RARB: variants seen among roughly 807,000 people sequenced by gnomAD.
RARB encodes retinoic acid receptor beta.
In RARB, 17 loss-of-function variants were observed where a neutral mutation model predicts 51.9. The ratio of observed to expected loss-of-function variants is 0.33; its 90% CI spans 0.22 to 0.49. The LOEUF is 0.49. Among genes scored for constraint, RARB ranks in the 20% least tolerant of loss-of-function variants. The pLI, the probability that RARB is intolerant of heterozygous loss-of-function variation, is 0.99. For synonymous variants in RARB, 215 were observed against 195.4 expected, an observed-to-expected ratio of 1.10 and a Z score of -0.84; for missense variants, 369 against 550.8, an observed-to-expected ratio of 0.67 and a Z score of 3.30.
rs1323690700 is a variant in RARB at position 25,570,070 on chromosome 3, G to A, written c.609+152G>A. On this transcript the variant is annotated intron_variant, in intron 4 of 7. Transcript: ENST00000330688. Reference sequence around the variant, plus strand: ...TTGCATGCTAGCCAGCTGGGGCTATGTAGTAGCCACTTCTTTCTGTGAGGT... The same window carrying A: ...TTGCATGCTAGCCAGCTGGGGCTATATAGTAGCCACTTCTTTCTGTGAGGT... The A allele has an allele frequency of 5.7e-5, 65 of 1,138,868 alleles. No individual in the cohort carries two copies. In the East Asian group the frequency reaches 1.6e-3, roughly 28 times the overall value. The allele number at this position is 1,138,868 out of a possible 1,614,324, so 70.5% of individuals were successfully genotyped here. A position where few individuals can be genotyped will look rare whatever the true frequency, so the allele number is the denominator to read the frequency against.
chr3:25,431,606 C>G (rs1453786333), intron 1 of RARB, among the ~76,000 whole-genome samples: 1 of 152,072 alleles, frequency 6.6e-6, no homozygotes, highest in African/African-American at 2.4e-5. Context: ...ACATTAATTG[C>G]TCAGTGGGTA....
intron 5 of RARB, among the ~76,000 whole-genome samples, chr3:25,415,722 A>G (rs925220143): frequency 6.6e-6 from 1 of 152,242 alleles, no homozygotes; most frequent in Non-Finnish European, 1.5e-5. Context: ...ACAGTAGATC[A>G]TAGTCTCTTC....
At chr3:24,849,544 G>C (rs1702529214) in intron 1 of RARB, among the ~76,000 whole-genome samples, 1 of 152,200 alleles carries the variant, frequency 6.6e-6, no homozygotes, top group Non-Finnish European at 1.5e-5. Flanking sequence ...CTTGTTTTAT[G>C]TGTGTTTCTG....
chr3:25,016,051 G>C (rs1000357537), intron 2 of RARB, among the ~76,000 whole-genome samples: 5 of 152,114 alleles, frequency 3.3e-5, no homozygotes, highest in African/African-American at 1.2e-4. Flanking sequence ...TGGAACAATG[G>C]GTACATGCTA....
intron 2 of RARB, among the ~76,000 whole-genome samples, chr3:24,908,939 G>A (rs933015857): frequency 4.6e-5 from 7 of 151,994 alleles, no homozygotes; most frequent in Admixed American, 2.6e-4. Context: ...ATGGCTAACG[G>A]AATCCTATTT....
intron 2 of RARB, among the ~76,000 whole-genome samples, chr3:24,920,586 A>G (rs1384832420): frequency 6.6e-6 from 1 of 152,170 alleles, no homozygotes; most frequent in Non-Finnish European, 1.5e-5. Context: ...AGAGTGTGGC[A>G]TGGCCTTGTC....
chr3:25,027,635 T>G (rs1174936677), intron 2 of RARB, among the ~76,000 whole-genome samples: 1 of 152,032 alleles, frequency 6.6e-6, no homozygotes, highest in Non-Finnish European at 1.5e-5. Context: ...ACCACAATTC[T>G]GTTGACACTA....
intron 2 of RARB, among the ~76,000 whole-genome samples, chr3:25,057,792 T>A (rs770054115): frequency 3.9e-5 from 6 of 152,056 alleles, no homozygotes; most frequent in Non-Finnish European, 8.8e-5. Context: ...TAAACTATCA[T>A]TTTAAAATAA....
At chr3:24,959,030 A>C (rs759390518) in intron 2 of RARB, among the ~76,000 whole-genome samples, 1 of 152,212 alleles carries the variant, frequency 6.6e-6, no homozygotes, top group Non-Finnish European at 1.5e-5. Flanking sequence ...CAGGCCCCAC[A>C]GTAGCTTCTG....
chr3:24,989,652 T>C (rs1299249548), intron 2 of RARB, among the ~76,000 whole-genome samples: 1 of 108,828 alleles, frequency 9.2e-6, no homozygotes. Context: ...TTTACTCTTT[T>C]CTTTTTAGAC....
intron 2 of RARB, among the ~76,000 whole-genome samples, chr3:24,861,992 C>G (rs898097804): frequency 6.6e-6 from 1 of 152,218 alleles, no homozygotes; most frequent in African/African-American, 2.4e-5. Flanking sequence ...GCACAAACTT[C>G]TCACTGTGAC....
intron 3 of RARB, among the ~76,000 whole-genome samples, chr3:25,106,056 T>C (rs1043577173): frequency 8.5e-5 from 13 of 152,190 alleles, no homozygotes; most frequent in Admixed American, 2.6e-4. Context: ...CAGCAAGGAC[T>C]GTGAGCCTAG....
chr3:25,427,813 A>G (rs1176599506), upstream of RARB, among the ~76,000 whole-genome samples: 1 of 152,206 alleles, frequency 6.6e-6, no homozygotes, highest in Non-Finnish European at 1.5e-5. Flanking sequence ...GGAAAAATAC[A>G]TAAGTTATAA....
Position 25,327,232 on chromosome 3 carries a change from T to TA in RARB, c.179-133954dup, listed in dbSNP as rs200031785. 4.0e-3 allele frequency among the ~76,000 whole-genome samples: 612 copies of TA among 151,890 alleles called. 1 individual carries two copies. The highest frequency in any genetic ancestry group is 6.8e-3 in the Middle Eastern group (2 of 294). On this transcript the variant is annotated intron_variant, in intron 5 of 11. Transcript: ENST00000383772. ...CGAATGGGAAGAAATTATTTTTTTTTAAAAAAAGGGAATTTCCTGAGAACT... is the reference window on the plus strand; with the variant it reads ...CGAATGGGAAGAAATTATTTTTTTTTAAAAAAAAGGGAATTTCCTGAGAACT...
chr3:25,470,284 A>C (rs929913444), intron 2 of RARB, among the ~76,000 whole-genome samples: 11 of 152,224 alleles, frequency 7.2e-5, no homozygotes, highest in African/African-American at 2.7e-4. Context: ...AGAAAAAAAA[A>C]GTTTTAAAAT....
chr3:25,212,428 G>C (rs572239986), intron 5 of RARB, among the ~76,000 whole-genome samples: 1 of 152,286 alleles, frequency 6.6e-6, no homozygotes, highest in South Asian at 2.1e-4. Context: ...GACCAGCCTG[G>C]CCAACACAGT....
intron 1 of RARB, among the ~76,000 whole-genome samples, chr3:25,430,953 A>AC: frequency 9.1e-6 from 1 of 110,074 alleles, no homozygotes; most frequent in Middle Eastern, 6.0e-3. Flanking sequence ...TGTTCCAACG[A>AC]TTTTTTTTTT....
At chr3:25,015,272 G>A (rs969775799) in intron 2 of RARB, among the ~76,000 whole-genome samples, 5 of 152,152 alleles carry the variant, frequency 3.3e-5, no homozygotes, top group African/African-American at 1.2e-4. Context: ...CTGATAGGTT[G>A]AGATCCACTA....
intron 2 of RARB, among the ~76,000 whole-genome samples, chr3:24,860,134 G>A (rs555605774): frequency 2.6e-5 from 4 of 152,224 alleles, no homozygotes; most frequent in South Asian, 4.2e-4. Flanking sequence ...CAAAATGAAC[G>A]GGGCCCATGT....
Sources: gnomAD v4.1 joint callset for allele counts (sites outside exome capture counted in the v4.1 genomes callset) on GRCh38, gnomAD v4.1.1 for gene constraint, MANE v1.5 for transcripts, NCBI Gene and HGNC (gene_info 2026-07-23, HGNC 2026-07-21) for gene names.